The following EVA1C variants were observed in gnomAD, a reference collection of about 807,000 sequenced individuals.
The protein encoded by EVA1C is eva-1 homolog C, also known as protein eva-1 homolog C.
Under a neutral mutation model 45.4 loss-of-function variants are expected in EVA1C, and 25 were observed. The observed-to-expected ratio is 0.55, with a 90% CI of 0.40 to 0.77. The LOEUF is 0.77. EVA1C is among the 30% of genes least tolerant of loss of function. The pLI, the probability that EVA1C is intolerant of heterozygous loss-of-function variation, is 0.00. For missense variants in EVA1C, 479 were observed against 554.8 expected (o/e 0.86, Z 1.37); for synonymous variants, 190 against 221.2 (o/e 0.86, Z 1.25).
rs555219734 is a variant in EVA1C, at chr21:32,455,988, G to A, written c.358-1609G>A. Among the ~76,000 whole-genome samples the A allele has an allele frequency of 3.9e-5, 6 of 152,222 alleles. 1 individual carries two copies. Among genetic ancestry groups the A allele is most frequent in the Admixed American group, 3.9e-4 (6 of 15,284 alleles). On this transcript the variant is annotated intron_variant, in intron 2 of 7. Transcript: ENST00000300255. ...GCTTACCACAACCTCTGCCTCCCAG[G>A]TTCAAGCAATTCTCCTGCCTCAGCC...
At chr21:32,437,756 A>G (rs1178408713) in intron 1 of EVA1C, among the ~76,000 whole-genome samples, 5 of 151,712 alleles carry the variant, frequency 3.3e-5, no homozygotes, top group Non-Finnish European at 7.4e-5. Flanking sequence ...CCCTCTCCCT[A>G]CACACCCTGC....
intron 1 of EVA1C, among the ~76,000 whole-genome samples, chr21:32,437,509 C>T (rs1279000397): frequency 6.6e-5 from 10 of 152,210 alleles, no homozygotes; most frequent in Admixed American, 1.3e-4. Context: ...CAGTAGCTCC[C>T]GCATCCCTTC....
intron 4 of EVA1C, among the ~76,000 whole-genome samples, chr21:32,488,227 C>G (rs1027421755): frequency 2.6e-5 from 4 of 152,152 alleles, no homozygotes; most frequent in African/African-American, 9.7e-5. Context: ...AGACATTTCT[C>G]CAAGAAAGAC....
chr21:32,472,798 G>A (rs1388893099), intron 4 of EVA1C, among the ~76,000 whole-genome samples: 1 of 152,242 alleles, frequency 6.6e-6, no homozygotes. Context: ...AAAAGTCTGT[G>A]ACTCTGCTCT....
chr21:32,467,816 G>C lies in EVA1C; in HGVS notation c.602G>C (p.Cys201Ser). The C allele has an allele frequency of 6.2e-7, 1 of 1,612,538 alleles. No individual in the cohort carries two copies. Among genetic ancestry groups the C allele is most frequent in the Non-Finnish European group, 8.5e-7 (1 of 1,179,354 alleles). The stretch of plus-strand genomic sequence containing the variant: ...AGGAGGACCCAGGAAAGGGACATCT[G>C]CTCCTCCAAGGCAGAGCGGCTCCCC... ...YGRRTQERDI[C>S]SSKAERLPPF... Residue 201 changes from cysteine to serine, a missense_variant, in exon 4 of 8, where the codon TGC becomes TCC. Cys to Ser is a moderately radical substitution (Grantham distance 112). Transcript: ENST00000300255.
chr21:32,486,536 A>G (rs1271439480), intron 4 of EVA1C, among the ~76,000 whole-genome samples: 1 of 152,146 alleles, frequency 6.6e-6, no homozygotes, highest in Non-Finnish European at 1.5e-5. Context: ...ATGCCCACCA[A>G]TCTATATTTT....
At chr21:32,507,466 A>G (rs2037761470) in intron 7 of EVA1C, among the ~76,000 whole-genome samples, 1 of 146,004 alleles carries the variant, frequency 6.8e-6, no homozygotes, top group Admixed American at 6.8e-5. Context: ...GCGTGTGTGC[A>G]TGTGTGCATG....
chr21:32,418,317 G>T (rs1039523158), intron 1 of EVA1C, among the ~76,000 whole-genome samples: 4 of 152,054 alleles, frequency 2.6e-5, no homozygotes, highest in African/African-American at 9.7e-5. Context: ...GAGATGAATA[G>T]CCAGTGTCTG....
At chr21:32,449,608 G>GT (rs1273842791) in intron 1 of EVA1C, among the ~76,000 whole-genome samples, 16 of 147,966 alleles carry the variant, frequency 1.1e-4, no homozygotes, top group African/African-American at 4.0e-4. Flanking sequence ...GGTTTCTTTC[G>GT]TTTTTTGTTT....
intron 4 of EVA1C, among the ~76,000 whole-genome samples, chr21:32,469,591 T>C (rs2036299347): frequency 1.3e-5 from 2 of 152,148 alleles, no homozygotes; most frequent in African/African-American, 4.8e-5. Flanking sequence ...CTTGTATCTA[T>C]GGAGAGATTT....
intron 3 of EVA1C, among the ~76,000 whole-genome samples, chr21:32,462,870 A>AG (rs1293298638): frequency 6.6e-6 from 1 of 152,234 alleles, no homozygotes; most frequent in African/African-American, 2.4e-5. Context: ...TATAATCTAT[A>AG]GAAACAATGC....
intron 4 of EVA1C, among the ~76,000 whole-genome samples, chr21:32,480,317 G>A (rs1007231384): frequency 0.01 from 783 of 78,196 alleles, 11 homozygotes; most frequent in African/African-American, 0.042. Context: ...AAAAAAAAAA[G>A]GTACCGAGTT....
In EVA1C at chr21:32,515,019, T is replaced by A. The variant is rs753943307; in HGVS notation, c.1155T>A (p.Asp385Glu). 2 of 1,614,176 alleles carry A rather than the reference T, an allele frequency of 1.2e-6. No individual in the cohort carries two copies. Among genetic ancestry groups the A allele is most frequent in the Non-Finnish European group, 1.7e-6 (2 of 1,180,008 alleles). ...AGGAGGAGGACCCCTCTGAGTCTGA[T>A]TTCCCAGGGGAACTGTCGGGGTTCT... ...EEEEEDPSES[D>E]FPGELSGFCR... Residue 385 changes from aspartate (D) to glutamate (E), a missense_variant, in exon 8 of 8, where the codon GAT becomes GAA. Physicochemically the swap from Asp to Glu is conservative, Grantham distance 45 (BLOSUM62 2). This residue lies in a region of EVA1C where 366 missense variants were observed against 426.1 expected (regional missense o/e 0.86). Transcript: ENST00000300255.
chr21:32,495,342 A>G (rs2037315651), intron 5 of EVA1C, among the ~76,000 whole-genome samples, 172 bp downstream of exon 5: 1 of 152,046 alleles, frequency 6.6e-6, no homozygotes, highest in South Asian at 2.1e-4. Flanking sequence ...ATTCTTGTTT[A>G]TGATATTCAT....
intron 1 of EVA1C, among the ~76,000 whole-genome samples, chr21:32,443,321 G>A (rs897118081): frequency 6.6e-6 from 1 of 152,158 alleles, no homozygotes; most frequent in African/African-American, 2.4e-5. Context: ...ATCACCTGAG[G>A]TCAGGAGTTG....
At chr21:32,509,124 G>C (rs1026216533) in intron 7 of EVA1C, among the ~76,000 whole-genome samples, 1 of 152,230 alleles carries the variant, frequency 6.6e-6, no homozygotes, top group Admixed American at 6.5e-5. Context: ...GCCTGAGCTT[G>C]GGGTCCTAGC....
chr21:32,443,659 A>G (rs1395727867), intron 1 of EVA1C, among the ~76,000 whole-genome samples: 5 of 152,248 alleles, frequency 3.3e-5, no homozygotes, highest in African/African-American at 1.2e-4. Flanking sequence ...TCATCACAGC[A>G]AAACATGAAG....
chr21:32,512,330 T>C (rs1245895017), intron 7 of EVA1C, among the ~76,000 whole-genome samples: 1 of 152,216 alleles, frequency 6.6e-6, no homozygotes, highest in East Asian at 1.9e-4. Context: ...GGATTATGGG[T>C]AATTTAATTC....
At chr21:32,505,965 T>C (rs1170167752) in intron 7 of EVA1C, among the ~76,000 whole-genome samples, 1 of 152,096 alleles carries the variant, frequency 6.6e-6, no homozygotes, top group Non-Finnish European at 1.5e-5. Context: ...TTGAGCCATT[T>C]GCCTGAGGAC....
Sources: gnomAD v4.1 joint callset for allele counts (sites outside exome capture counted in the v4.1 genomes callset) on GRCh38, gnomAD v4.1.1 for gene constraint, gnomAD v4.1.1 regional missense constraint, MANE v1.5 for transcripts, NCBI Gene and HGNC (gene_info 2026-07-23, HGNC 2026-07-21) for gene names.